The following RNF175 variants were observed in gnomAD, a reference collection of about 807,000 sequenced individuals.
The protein encoded by RNF175 is ring finger protein 175.
RNF175 carries 38 observed loss-of-function variants against 50.0 expected under a neutral mutation model. The observed-to-expected ratio is 0.76, with a 90% CI of 0.59 to 1.00. The LOEUF (loss-of-function observed/expected upper bound fraction) is 1.00. RNF175 is among the 50% of genes least tolerant of loss of function. The pLI is 0.00. For synonymous variants in RNF175, 155 were observed against 146.1 expected (o/e 1.06, Z -0.44); for missense variants, 388 against 409.6 (o/e 0.95, Z 0.46).
intron 4 of RNF175, chr4:153,727,610 A>ATTT (rs1348151764): frequency 6.6e-6 from 1 of 152,172 alleles, no homozygotes; most frequent in Non-Finnish European, 1.5e-5. Flanking sequence ...GAGGATATGG[A>ATTT]TTTTATCCAC....
intron 2 of RNF175, 88 bp from the exon 3 acceptor site, chr4:153,748,874 A>G (rs1740141711): frequency 7.5e-7 from 1 of 1,326,642 alleles, no homozygotes; most frequent in Non-Finnish European, 1.0e-6. Context: ...CAAAAAAACA[A>G]AAAACAGGTT....
At chr4:153,752,003 T>C (rs893974863) in intron 1 of RNF175, among the ~76,000 whole-genome samples, 1 of 152,252 alleles carries the variant, frequency 6.6e-6, no homozygotes, top group Non-Finnish European at 1.5e-5. Context: ...GCATCATTAC[T>C]GACCCCAGGG....
intron 6 of RNF175, among the ~76,000 whole-genome samples, chr4:153,718,383 GAC>G (rs141828140): frequency 4.7e-5 from 7 of 150,382 alleles, no homozygotes; most frequent in East Asian, 1.9e-4. Context: ...AGTGTCTGTG[GAC>G]ACACACACAC....
intron 4 of RNF175, among the ~76,000 whole-genome samples, chr4:153,727,915 T>G (rs542638016): frequency 6.6e-6 from 1 of 152,328 alleles, no homozygotes; most frequent in South Asian, 2.1e-4. Flanking sequence ...AAAATAAACT[T>G]GCAAATAATG....
chr4:153,752,385 G>C (rs1330305935), intron 1 of RNF175, among the ~76,000 whole-genome samples: 1 of 152,116 alleles, frequency 6.6e-6, no homozygotes, highest in African/African-American at 2.4e-5. Context: ...GAATATTAGG[G>C]ACCCACCTGG....
chr4:153,732,411 A>G (rs750300996), intron 3 of RNF175, among the ~76,000 whole-genome samples: 7 of 152,222 alleles, frequency 4.6e-5, no homozygotes, highest in Non-Finnish European at 1.0e-4. Flanking sequence ...GCAATGTTAT[A>G]TACATATGTA....
At chr4:153,751,362 T>G in intron 2 of RNF175, 76 bp downstream of exon 2, 1 of 1,026,802 alleles carries the variant, frequency 9.7e-7, no homozygotes, top group Non-Finnish European at 1.5e-6. Flanking sequence ...AATGATGACT[T>G]CATTCATTTT....
Position 153,716,063 on chromosome 4 carries a change from C to CAA in RNF175, c.631-403_631-402dup, listed in dbSNP as rs35531787. ...TGGGTGACAGAGCAAGACTCTGTCTCAAAAAAAAAAAAAAAAAAAAAAAGA... is the reference window on the plus strand; with the variant it reads ...TGGGTGACAGAGCAAGACTCTGTCTCAAAAAAAAAAAAAAAAAAAAAAAAAGA... On this transcript the variant is annotated intron_variant, in intron 6 of 8. Transcript: ENST00000347063. Among the ~76,000 whole-genome samples the CAA allele has an allele frequency of 5.6e-3, 528 of 93,946 alleles. 3 individuals are homozygous for CAA. The highest frequency in any genetic ancestry group is 0.015 in the African/African-American group (306 of 20,534). The allele number at this position is 93,946 out of a possible 152,430, so 61.6% of individuals were successfully genotyped here. A position where few individuals can be genotyped will look rare whatever the true frequency, so the allele number is the denominator to read the frequency against.
chr4:153,735,442 A>G (rs1739305568), intron 3 of RNF175, among the ~76,000 whole-genome samples: 1 of 152,156 alleles, frequency 6.6e-6, no homozygotes, highest in Admixed American at 6.5e-5. Flanking sequence ...CTTTACAGTA[A>G]GTCTTGAAAT....
intron 5 of RNF175, chr4:153,721,566 G>A (rs1738343099): frequency 1.3e-5 from 2 of 152,084 alleles, no homozygotes; most frequent in African/African-American, 4.8e-5. Flanking sequence ...AGGGAAATAT[G>A]TATCAATAAT....
chr4:153,714,299 C>T (rs1374037553), intron 7 of RNF175: 2 of 152,162 alleles, frequency 1.3e-5, no homozygotes, highest in African/African-American at 4.8e-5. Context: ...AAAACCACTA[C>T]AGAAATCCAT....
At chr4:153,746,149 C>T (rs1464892078) in intron 3 of RNF175, among the ~76,000 whole-genome samples, 3 of 152,206 alleles carry the variant, frequency 2.0e-5, no homozygotes, top group Admixed American at 2.0e-4. Flanking sequence ...AAGTTCTCTT[C>T]TTCCAAAATA....
intron 3 of RNF175, among the ~76,000 whole-genome samples, chr4:153,748,146 G>A (rs1261734669): frequency 6.6e-6 from 1 of 152,132 alleles, no homozygotes; most frequent in African/African-American, 2.4e-5. Context: ...CTGTTGCATT[G>A]GGGATTAAAT....
chr4:153,730,360 C>A (rs975586801), intron 3 of RNF175, among the ~76,000 whole-genome samples: 2 of 152,020 alleles, frequency 1.3e-5, no homozygotes, highest in African/African-American at 4.8e-5. Flanking sequence ...CACCTGAGCC[C>A]TTGAGGTCAA....
intron 6 of RNF175, among the ~76,000 whole-genome samples, chr4:153,716,612 C>A (rs72954772): frequency 0.067 from 10,103 of 151,702 alleles, 745 homozygotes; most frequent in East Asian, 0.23. Flanking sequence ...AGAAAAGATA[C>A]AAAAATATTA....
rs755045721 is a variant in RNF175 at position 153,720,210 on chromosome 4, A to G, written c.604T>C (p.Ser202Pro). Reference sequence around the variant, plus strand: ...CCTATAGTGGAAGCCATGTAGTCTGAGCAGATCTCGGCAAAGTCTCTCCCC... The same window carrying G: ...CCTATAGTGGAAGCCATGTAGTCTGGGCAGATCTCGGCAAAGTCTCTCCCC... ...VMGRDFAEICSDYMASTIGFY... is the reference protein window; with the variant it reads ...VMGRDFAEICPDYMASTIGFY... Residue 202 changes from serine (S) to proline (P), a missense_variant, in exon 6 of 9, where the codon TCA becomes CCA. Coordinates refer to ENST00000347063, the MANE Select transcript of RNF175 (RefSeq NM_173662.4). 2.9e-5 allele frequency: 47 copies of G among 1,612,758 alleles called. 1 individual carries two copies. In the Admixed American group the frequency reaches 7.8e-4, roughly 27 times the overall value.
chr4:153,712,449 T>G, intron 8 of RNF175, 26 bp downstream of exon 8: 1 of 1,271,608 alleles, frequency 7.9e-7, no homozygotes, highest in Non-Finnish European at 1.1e-6. Context: ...GATAATCTCT[T>G]ATAACCTTTT....
intron 3 of RNF175, among the ~76,000 whole-genome samples, chr4:153,745,051 A>G (rs1483655793): frequency 1.3e-5 from 2 of 152,232 alleles, no homozygotes; most frequent in Non-Finnish European, 1.5e-5. Context: ...TCAACACTTC[A>G]TATGTTGCAG....
At chr4:153,733,367 T>C (rs1051393147) in intron 3 of RNF175, among the ~76,000 whole-genome samples, 1 of 152,194 alleles carries the variant, frequency 6.6e-6, no homozygotes, top group Non-Finnish European at 1.5e-5. Flanking sequence ...CACTTCCTAC[T>C]TTTTTTCTAA....
Sources: gnomAD v4.1 joint callset for allele counts (sites outside exome capture counted in the v4.1 genomes callset) on GRCh38, gnomAD v4.1.1 for gene constraint, MANE v1.5 for transcripts, NCBI Gene and HGNC (gene_info 2026-07-23, HGNC 2026-07-21) for gene names.